DGKZ: variants seen among roughly 807,000 people sequenced by gnomAD.
DGKZ encodes the protein DAG kinase zeta.
Under a neutral mutation model 142.5 loss-of-function variants are expected in DGKZ, and 45 were observed. The observed-to-expected ratio is 0.32, with a 90% CI of 0.25 to 0.40. The LOEUF is 0.40. DGKZ is among the 10% of genes least tolerant of loss of function. The probability of loss-of-function intolerance (pLI) is 1.00; values close to 1 mark genes in which losing one functional copy is unlikely to be tolerated. For missense variants in DGKZ, 755 were observed against 1,306.5 expected (o/e 0.58, Z 6.51); for synonymous variants, 442 against 527.0 (o/e 0.84, Z 2.21).
chr11:46,364,692 A>G (rs1943059119), intron 1 of DGKZ: 1 of 985,316 alleles, frequency 1.0e-6, no homozygotes, highest in Admixed American at 6.1e-5. Flanking sequence ...AGTGCAGTGT[A>G]TGGAAGGAGA....
chr11:46,349,133 T>C (rs1365778484), intron 1 of DGKZ, among the ~76,000 whole-genome samples: 1 of 152,252 alleles, frequency 6.6e-6, no homozygotes, highest in East Asian at 1.9e-4. Flanking sequence ...ACTCTGTCTC[T>C]GAGCACATGC....
chr11:46,337,287 CTTTTTT>C (rs948859545), intron 1 of DGKZ, among the ~76,000 whole-genome samples: 13 of 86,298 alleles, frequency 1.5e-4, no homozygotes, highest in Admixed American at 1.1e-4. Flanking sequence ...TAAATGGGTT[CTTTTTT>C]TTTTTTTTTT....
chr11:46,379,249 G>A lies in DGKZ; in HGVS notation c.2573+13G>A. 1.2e-6 allele frequency: 2 copies of A among 1,613,192 alleles called. No homozygotes were observed. The highest frequency in any genetic ancestry group is 2.2e-5 in the East Asian group (1 of 44,882). On this transcript the variant is annotated intron_variant, in intron 29 of 30. Coordinates refer to ENST00000527911, the Ensembl canonical transcript of DGKZ. ...CGGTGGAGGAAAAGTAAGTATCTGG[G>A]CAGTGCAGAACCGTGGTCACCCCGG...
At chr11:46,377,295 C>T in intron 25 of DGKZ, 83 bp downstream of exon 25, 7 of 1,478,318 alleles carry the variant, frequency 4.7e-6, no homozygotes, top group Non-Finnish European at 6.3e-6. Flanking sequence ...CTGCTTCTAG[C>T]CCCTCCACCA....
At chr11:46,364,460 G>A (rs1419016125) in intron 1 of DGKZ, 31 of 1,272,938 alleles carry the variant, frequency 2.4e-5, no homozygotes, top group Non-Finnish European at 3.0e-5. Context: ...AGCTCCCTCC[G>A]GCCCAGGTGG....
chr11:46,373,132 G>T lies in DGKZ; in HGVS notation c.1326+31G>T, dbSNP rs544507468. 2.6e-6 allele frequency: 4 copies of T among 1,524,070 alleles called. No individual in the cohort carries two copies. In the East Asian group the frequency reaches 9.9e-5, roughly 38 times the overall value. 94.4% of individuals were successfully genotyped at this position (1,524,070 alleles called of 1,614,324 possible). ...TTGGCCAGGGTTGGTGGGGGGCAGG[G>T]CAGGTGACTGGGGACTGGATCCCAC... On this transcript the variant is annotated intron_variant, in intron 14 of 30. Coordinates refer to ENST00000527911, the Ensembl canonical transcript of DGKZ.
At chr11:46,380,383 C>T (rs1243185167), downstream of DGKZ, 3 of 158,678 alleles carry the variant, frequency 1.9e-5, no homozygotes, top group African/African-American at 7.2e-5. Context: ...CCCGGAAACT[C>T]AGCGCCTGCT....
At chr11:46,366,845 C>T in intron 1 of DGKZ, 2 of 1,546,452 alleles carry the variant, frequency 1.3e-6, no homozygotes, top group Non-Finnish European at 1.7e-6. Context: ...AGGCCAGCAC[C>T]CTGGCCCTGG....
intron 1 of DGKZ, chr11:46,366,796 G>A: frequency 1.9e-6 from 3 of 1,547,552 alleles, no homozygotes; most frequent in East Asian, 2.4e-5. Context: ...TCTGGGGCCT[G>A]CACGGCTACT....
Position 46,367,205 on chromosome 11 carries a change from A to G in DGKZ, c.162-86A>G. 2.9e-6 allele frequency: 4 copies of G among 1,370,240 alleles called. No homozygotes were observed. Among genetic ancestry groups the G allele is most frequent in the Non-Finnish European group, 4.1e-6 (4 of 983,682 alleles). The allele number at this position is 1,370,240 out of a possible 1,614,324, so 84.9% of individuals were successfully genotyped here. A position where few individuals can be genotyped will look rare whatever the true frequency, so the allele number is the denominator to read the frequency against. On this transcript the variant is annotated intron_variant, in intron 1 of 30. Coordinates refer to ENST00000527911, the Ensembl canonical transcript of DGKZ. The surrounding 1 kb of genome is among the most constrained non-coding windows in gnomAD (Gnocchi z 4.1). Reference sequence around the variant, plus strand: ...CTCCGCCCTCCCTGTTGCCGAGGTCACGGAAAGGGCAGAGGCCCCAGGAGG... The same window carrying G: ...CTCCGCCCTCCCTGTTGCCGAGGTCGCGGAAAGGGCAGAGGCCCCAGGAGG...
rs769790583 is a variant in DGKZ, at chr11:46,366,734, C to T, written c.162-557C>T. ...GCTGTTGCCCCTACCCCGCTACCTGCGCCGAGCCTCCTCCCACCTGCTCCC... is the reference window on the plus strand; with the variant it reads ...GCTGTTGCCCCTACCCCGCTACCTGTGCCGAGCCTCCTCCCACCTGCTCCC... On this transcript the variant is annotated intron_variant, in intron 1 of 30. Coordinates refer to ENST00000527911, the Ensembl canonical transcript of DGKZ. 1.0e-5 allele frequency: 16 copies of T among 1,552,178 alleles called. No homozygotes were observed. Among genetic ancestry groups the T allele is most frequent in the Non-Finnish European group, 1.2e-5 (14 of 1,149,350 alleles).
chr11:46,350,795 T>G (rs1403410646), intron 1 of DGKZ, among the ~76,000 whole-genome samples: 2 of 151,882 alleles, frequency 1.3e-5, no homozygotes, highest in Non-Finnish European at 2.9e-5. Flanking sequence ...AAAGTCCATC[T>G]CTGCCCCACA....
At chr11:46,375,069 T>G (rs1590623611) in intron 19 of DGKZ, 24 bp downstream of exon 19, 1 of 1,556,346 alleles carries the variant, frequency 6.4e-7, no homozygotes, top group Non-Finnish European at 8.6e-7. Context: ...GGGCCCATGG[T>G]GCCTGGGAGC....
At chr11:46,376,867 G>A (rs1326057824) in intron 24 of DGKZ, 6 of 639,728 alleles carry the variant, frequency 9.4e-6, no homozygotes, top group Admixed American at 2.9e-5. Context: ...CTGGTCAGGC[G>A]CCAGCTCACC....
upstream of DGKZ, among the ~76,000 whole-genome samples, chr11:46,344,181 C>A (rs2136385271): frequency 6.6e-6 from 1 of 152,118 alleles, no homozygotes; most frequent in South Asian, 2.1e-4. Flanking sequence ...AACTCCTGAC[C>A]TCAAGTAACC....
Position 46,379,813 on chromosome 11 carries a change from A to C in DGKZ, c.2689-18A>C. On this transcript the variant is annotated intron_variant, in intron 30 of 30. Transcript: ENST00000527911. ...CCTGCCTCTGGCCCCTGCTGATCGCAGCTCCGCCCTCCTCCAGGGCGACAC... is the reference window on the plus strand; with the variant it reads ...CCTGCCTCTGGCCCCTGCTGATCGCCGCTCCGCCCTCCTCCAGGGCGACAC... 3.1e-6 allele frequency: 5 copies of C among 1,599,406 alleles called. No homozygotes were observed. Among genetic ancestry groups the C allele is most frequent in the Non-Finnish European group, 3.4e-6 (4 of 1,173,422 alleles).
chr11:46,354,482 C>T (rs1047162639), intron 1 of DGKZ, among the ~76,000 whole-genome samples: 2 of 152,222 alleles, frequency 1.3e-5, no homozygotes, highest in African/African-American at 4.8e-5. Context: ...AGGCCTGAGC[C>T]ACTGTGCCCA....
intron 1 of DGKZ, among the ~76,000 whole-genome samples, chr11:46,361,001 G>A (rs928475335): frequency 1.3e-5 from 2 of 152,202 alleles, no homozygotes; most frequent in African/African-American, 2.4e-5. Flanking sequence ...AATCGGAGTT[G>A]TGGGCAGTCA....
At chr11:46,360,622 C>T (rs985637980) in intron 1 of DGKZ, among the ~76,000 whole-genome samples, 2 of 152,026 alleles carry the variant, frequency 1.3e-5, no homozygotes, top group Non-Finnish European at 2.9e-5. Flanking sequence ...CCCGTCTCTA[C>T]TAAAAATACA....
Sources: gnomAD v4.1 joint callset for allele counts (sites outside exome capture counted in the v4.1 genomes callset) on GRCh38, gnomAD v4.1.1 for gene constraint, Gnocchi (gnomAD v3.1) non-coding constraint, MANE v1.5 for transcripts, NCBI Gene and HGNC (gene_info 2026-07-23, HGNC 2026-07-21) for gene names.